Variants in ADK observed in about 807,000 individuals in gnomAD.
ADK encodes N6,N6-dimethyladenosine kinase.
ADK carries 24 observed loss-of-function variants against 44.7 expected under a neutral mutation model. The observed-to-expected ratio is 0.54, with a 90% confidence interval of 0.39 to 0.76. The LOEUF is 0.76. Ranked by LOEUF, ADK falls within the 30% of genes least tolerant of loss-of-function variation. The pLI, the probability that ADK is intolerant of heterozygous loss-of-function variation, is 0.00. For synonymous variants in ADK, 128 were observed against 142.6 expected (o/e 0.90, Z 0.73); for missense variants, 321 against 425.1 (o/e 0.76, Z 2.15).
chr10:74,205,691 A>AG (rs1181552822), intron 2 of ADK, among the ~76,000 whole-genome samples: 1 of 151,522 alleles, frequency 6.6e-6, no homozygotes, highest in Non-Finnish European at 1.5e-5. Flanking sequence ...AAAAAAAAAA[A>AG]AAAAGAAATG....
chr10:74,330,424 T>TA (rs1056853951), intron 4 of ADK, among the ~76,000 whole-genome samples: 11 of 152,056 alleles, frequency 7.2e-5, no homozygotes, highest in South Asian at 2.1e-4. Flanking sequence ...TCCTGTCTCT[T>TA]AAAAAAAATT....
intron 3 of ADK, among the ~76,000 whole-genome samples, chr10:74,301,391 G>A (rs1039165903): frequency 6.6e-6 from 1 of 151,660 alleles, no homozygotes; most frequent in Non-Finnish European, 1.5e-5. Flanking sequence ...GCGTGCGCCT[G>A]TAGTCTCAGC....
chr10:74,296,648 G>T (rs1839826912), intron 3 of ADK, among the ~76,000 whole-genome samples: 1 of 139,402 alleles, frequency 7.2e-6, no homozygotes, highest in Non-Finnish European at 1.5e-5. Flanking sequence ...GTCTTGCTCT[G>T]TCACCCAGGC....
intron 3 of ADK, among the ~76,000 whole-genome samples, chr10:74,249,325 G>T (rs149929181): frequency 2.0e-5 from 3 of 152,288 alleles, no homozygotes; most frequent in Non-Finnish European, 2.9e-5. Context: ...CAAAACACTA[G>T]AAGTAAATGG....
chr10:74,353,314 AC>A (rs1411818565), intron 4 of ADK, among the ~76,000 whole-genome samples: 1 of 152,030 alleles, frequency 6.6e-6, no homozygotes, highest in African/African-American at 2.4e-5. Context: ...GAAACAGAAA[AC>A]CAAACACCAC....
At chr10:74,393,637 A>G (rs1266651343) in intron 4 of ADK, among the ~76,000 whole-genome samples, 1 of 152,206 alleles carries the variant, frequency 6.6e-6, no homozygotes, top group Non-Finnish European at 1.5e-5. Context: ...CATCATTTCA[A>G]TTAGTCCTCA....
intron 1 of ADK, among the ~76,000 whole-genome samples, chr10:74,169,700 C>T (rs1484360623): frequency 6.6e-6 from 1 of 152,158 alleles, no homozygotes; most frequent in Non-Finnish European, 1.5e-5. Context: ...AGCATTCTTA[C>T]AATGTCTTTT....
At chr10:74,705,743 A>G (rs991047463) in intron 10 of ADK, among the ~76,000 whole-genome samples, 1 of 152,234 alleles carries the variant, frequency 6.6e-6, no homozygotes, top group African/African-American at 2.4e-5. Flanking sequence ...AGCATTTTAC[A>G]TTCCCACAAT....
chr10:74,536,237 T>A (rs753803562), intron 7 of ADK, among the ~76,000 whole-genome samples: 1 of 152,116 alleles, frequency 6.6e-6, no homozygotes, highest in Admixed American at 6.6e-5. Context: ...TTATTATGAG[T>A]GTAGCCTTAA....
At chr10:74,299,836 C>T (rs1344435091) in intron 3 of ADK, among the ~76,000 whole-genome samples, 1 of 151,994 alleles carries the variant, frequency 6.6e-6, no homozygotes, top group South Asian at 2.1e-4. Flanking sequence ...AGAGATAGTT[C>T]TGTAAGTTTT....
chr10:74,461,992 T>C (rs188084956), intron 6 of ADK, among the ~76,000 whole-genome samples: 59 of 152,200 alleles, frequency 3.9e-4, no homozygotes, highest in Non-Finnish European at 3.8e-4. Flanking sequence ...GAGCTTTGAA[T>C]CTATGTTGGT....
chr10:74,637,417 G>T (rs967530402), intron 9 of ADK, among the ~76,000 whole-genome samples: 1 of 152,154 alleles, frequency 6.6e-6, no homozygotes, highest in African/African-American at 2.4e-5. Context: ...AAACAGAATT[G>T]CAGAATTGCT....
At chr10:74,208,120 C>T (rs769590823) in intron 2 of ADK, among the ~76,000 whole-genome samples, 2 of 152,220 alleles carry the variant, frequency 1.3e-5, no homozygotes, top group Non-Finnish European at 2.9e-5. Flanking sequence ...GTGCTGGGAT[C>T]GAGGAGAGGC....
intron 3 of ADK, among the ~76,000 whole-genome samples, chr10:74,268,921 T>A (rs1846317393): frequency 6.6e-6 from 1 of 152,202 alleles, no homozygotes; most frequent in African/African-American, 2.4e-5. Context: ...TGATAAATGG[T>A]TTTATTGTTT....
At chr10:74,498,654 C>G (rs1197545519) in intron 6 of ADK, among the ~76,000 whole-genome samples, 1 of 152,176 alleles carries the variant, frequency 6.6e-6, no homozygotes, top group Admixed American at 6.5e-5. Flanking sequence ...TTAGGTTTAT[C>G]TCCTAATGCT....
chr10:74,501,754 G>A (rs1245527501), intron 6 of ADK, among the ~76,000 whole-genome samples: 1 of 152,136 alleles, frequency 6.6e-6, no homozygotes, highest in Non-Finnish European at 1.5e-5. Flanking sequence ...AGACATAAAG[G>A]ATCACATATT....
chr10:74,554,489 A>G (rs10509349), intron 7 of ADK, among the ~76,000 whole-genome samples: 41,697 of 152,044 alleles, frequency 0.27, 7,311 homozygotes, highest in East Asian at 0.63. Context: ...TTCCAATACA[A>G]TATTTTCTAA....
intron 9 of ADK, among the ~76,000 whole-genome samples, chr10:74,607,821 A>G (rs1852385295): frequency 6.6e-6 from 1 of 152,068 alleles, no homozygotes; most frequent in Admixed American, 6.6e-5. Context: ...TATTCTGAAG[A>G]GTGTTTTCCA....
intron 7 of ADK, among the ~76,000 whole-genome samples, chr10:74,553,637 A>G (rs1564788929): frequency 6.6e-6 from 1 of 152,230 alleles, no homozygotes; most frequent in Non-Finnish European, 1.5e-5. Context: ...GTTCTACATT[A>G]TACCATTCAA....
Sources: gnomAD v4.1 joint callset for allele counts (sites outside exome capture counted in the v4.1 genomes callset) on GRCh38, gnomAD v4.1.1 for gene constraint, MANE v1.5 for transcripts, NCBI Gene and HGNC (gene_info 2026-07-23, HGNC 2026-07-21) for gene names.